LYPD6: variants seen among roughly 807,000 people sequenced by gnomAD.
LYPD6 encodes LY6/PLAUR domain containing 6, also known as ly6/PLAUR domain-containing protein 6.
Under a neutral mutation model 22.7 loss-of-function variants are expected in LYPD6, and 15 were observed. That is an observed-to-expected ratio of 0.66 (90% CI 0.44 to 1.02). LYPD6 has a LOEUF of 1.02. Ranked by LOEUF, LYPD6 falls within the 50% of genes least tolerant of loss-of-function variation. The probability of loss-of-function intolerance (pLI) is 0.00; values close to 1 mark genes in which losing one functional copy is unlikely to be tolerated. For synonymous variants in LYPD6, 72 were observed against 77.5 expected, an observed-to-expected ratio of 0.93 and a Z score of 0.37; for missense variants, 189 against 208.4, an observed-to-expected ratio of 0.91 and a Z score of 0.57.
chr2:149,392,498 T>C (rs2105099707), intron 1 of LYPD6, among the ~76,000 whole-genome samples: 2 of 152,248 alleles, frequency 1.3e-5, no homozygotes, highest in South Asian at 4.2e-4. Flanking sequence ...AGCTCTTCTC[T>C]CAACTCTTGG....
At chr2:149,403,752 C>G (rs1325763002) in intron 1 of LYPD6, among the ~76,000 whole-genome samples, 2 of 151,972 alleles carry the variant, frequency 1.3e-5, no homozygotes, top group African/African-American at 4.8e-5. Flanking sequence ...TCCCATTTGT[C>G]AATTTTGGCT....
At chr2:149,350,873 C>T (rs773567129) in intron 1 of LYPD6, among the ~76,000 whole-genome samples, 11 of 152,294 alleles carry the variant, frequency 7.2e-5, no homozygotes, top group African/African-American at 1.2e-4. Flanking sequence ...CTACCCTTGC[C>T]GGGGCCTTTC....
At chr2:149,462,463 C>T (rs1404752777) in intron 3 of LYPD6, among the ~76,000 whole-genome samples, 2 of 150,432 alleles carry the variant, frequency 1.3e-5, no homozygotes, top group African/African-American at 2.4e-5. Flanking sequence ...TGAAAGACAA[C>T]ATAGTAAAAT....
chr2:149,352,100 G>T (rs569551990), intron 1 of LYPD6, among the ~76,000 whole-genome samples: 12 of 152,202 alleles, frequency 7.9e-5, no homozygotes, highest in Admixed American at 2.0e-4. Flanking sequence ...ATGTGCCAGG[G>T]ACCATGCTTC....
intron 1 of LYPD6, among the ~76,000 whole-genome samples, chr2:149,364,438 T>A (rs955544058): frequency 6.6e-6 from 1 of 152,010 alleles, no homozygotes; most frequent in African/African-American, 2.4e-5. Flanking sequence ...TTAATGAGTT[T>A]TGGCTGAGAT....
intron 1 of LYPD6, among the ~76,000 whole-genome samples, chr2:149,333,604 A>T (rs770340564): frequency 1.5e-4 from 23 of 152,210 alleles, no homozygotes; most frequent in Non-Finnish European, 2.4e-4. Context: ...TCATGCAGCA[A>T]ATATTCAGCA....
At chr2:149,426,352 A>G (rs1402703326) in intron 1 of LYPD6, among the ~76,000 whole-genome samples, 1 of 152,234 alleles carries the variant, frequency 6.6e-6, no homozygotes, top group East Asian at 1.9e-4. Flanking sequence ...CATGCCAGGT[A>G]GGACACAAGA....
Position 149,356,048 on chromosome 2 carries a change from TA to T in LYPD6, c.-72+25327del, listed in dbSNP as rs1317400553. ...TCAAAATGCTGGAAGAACAGGGCAA[TA>T]GCAGGGACTTGAGAGCATTTAATAC... On this transcript the variant is annotated intron_variant, in intron 1 of 4. Transcript: ENST00000334166. 2.0e-5 allele frequency among the ~76,000 whole-genome samples: 3 copies of T among 151,968 alleles called. No individual in the cohort carries two copies. The East Asian group carries it at 5.8e-4, about 29-fold the overall frequency.
Position 149,354,334 on chromosome 2 carries a change from A to G in LYPD6, c.-72+23612A>G, listed in dbSNP as rs368453404. Among the ~76,000 whole-genome samples the G allele has an allele frequency of 3.5e-3, 537 of 152,196 alleles. 6 individuals are homozygous for G. The highest frequency in any genetic ancestry group is 0.012 in the African/African-American group (512 of 41,528). On this transcript the variant is annotated intron_variant, in intron 1 of 4. Coordinates refer to ENST00000334166, the MANE Select transcript of LYPD6 (RefSeq NM_194317.5). ...GCAATTCTCCTGCCTCAGCCTCCTG[A>G]GTAGCTGGGATTACAGGTGCATGCC...
chr2:149,399,670 C>A (rs553521446), intron 1 of LYPD6, among the ~76,000 whole-genome samples: 43 of 147,582 alleles, frequency 2.9e-4, no homozygotes, highest in African/African-American at 7.4e-4. Flanking sequence ...TGGAAAAAAA[C>A]CAAATAAAAT....
intron 2 of LYPD6, among the ~76,000 whole-genome samples, chr2:149,440,844 G>A (rs566118298): frequency 6.6e-6 from 1 of 150,770 alleles, no homozygotes; most frequent in African/African-American, 2.5e-5. Context: ...GGGACTACAG[G>A]TGCCCACCAC....
the LYPD6 span, among the ~76,000 whole-genome samples, chr2:149,485,957 T>C: frequency 8.3e-4 from 126 of 152,306 alleles, no homozygotes; most frequent in Non-Finnish European, 1.3e-4. Flanking sequence ...TCAGGGGTTT[T>C]AAAACATTTC....
Position 149,330,600 on chromosome 2 carries a change from T to G in LYPD6, c.-194T>G, listed in dbSNP as rs1171846223. ...CCGCTGCGCTCCCTCGCTCCTTCCC[T>G]GAGCTCCCGGGCTCCGGCAGCGGGC... On this transcript the variant is annotated 5_prime_UTR_variant, in exon 1 of 5. Transcript: ENST00000334166. 1 of 151,342 alleles carries G rather than the reference T, an allele frequency of 6.6e-6. No individual in the cohort carries two copies. The highest frequency in any genetic ancestry group is 2.4e-5 in the African/African-American group (1 of 41,304). 9.4% of individuals were successfully genotyped at this position (151,342 alleles called of 1,614,324 possible).
intron 1 of LYPD6, among the ~76,000 whole-genome samples, chr2:149,381,766 A>G (rs190757619): frequency 2.6e-5 from 4 of 152,344 alleles, no homozygotes; most frequent in African/African-American, 9.6e-5. Flanking sequence ...TTGCCCCAAC[A>G]ACCCTGTGAA....
chr2:149,380,483 G>A (rs1175607178), intron 1 of LYPD6, among the ~76,000 whole-genome samples: 1 of 152,138 alleles, frequency 6.6e-6, no homozygotes, highest in Non-Finnish European at 1.5e-5. Flanking sequence ...TTGTGAGTGT[G>A]GGACAAAGTG....
intron 1 of LYPD6, among the ~76,000 whole-genome samples, chr2:149,394,168 C>T (rs1260901877): frequency 6.6e-6 from 1 of 152,188 alleles, no homozygotes; most frequent in Non-Finnish European, 1.5e-5. Flanking sequence ...GATGTCGTCT[C>T]CTGTTGCTGC....
chr2:149,456,633 C>T (rs892398795), intron 3 of LYPD6, among the ~76,000 whole-genome samples: 3 of 152,152 alleles, frequency 2.0e-5, no homozygotes, highest in Admixed American at 2.0e-4. Context: ...GATTGGAACA[C>T]AGACAGGAAC....
rs1194238676 is a variant in LYPD6, at chr2:149,473,948, T to C, written c.*3098T>C. 6.6e-6 allele frequency: 1 copy of C among 152,212 alleles called. No individual in the cohort carries two copies. The highest frequency in any genetic ancestry group is 1.5e-5 in the Non-Finnish European group (1 of 68,034). The allele number at this position is 152,212 out of a possible 1,614,324, so 9.4% of individuals were successfully genotyped here. On this transcript the variant is annotated 3_prime_UTR_variant, in exon 5 of 5. Transcript: ENST00000334166. ...GTGTGTATGTGTATGTATATATATA[T>C]ACCACCCTATTAACTATTTTAAAAT...
chr2:149,365,980 C>G (rs1473542699), intron 1 of LYPD6, among the ~76,000 whole-genome samples: 1 of 152,174 alleles, frequency 6.6e-6, no homozygotes, highest in Admixed American at 6.5e-5. Context: ...ATGTGTGCAA[C>G]TAGTGGAACA....
Sources: gnomAD v4.1 joint callset for allele counts (sites outside exome capture counted in the v4.1 genomes callset) on GRCh38, gnomAD v4.1.1 for gene constraint, MANE v1.5 for transcripts, NCBI Gene and HGNC (gene_info 2026-07-23, HGNC 2026-07-21) for gene names.